The following KIF11 variants were observed in gnomAD, a reference collection of about 807,000 sequenced individuals.
KIF11 encodes the protein kinesin-like protein KIF11.
A neutral mutation model predicts 121.0 loss-of-function variants in KIF11; 9 were observed. The observed-to-expected ratio is 0.07, with a 90% CI of 0.04 to 0.13. The LOEUF is 0.13. KIF11 is among the 10% of genes least tolerant of loss of function. The pLI, the probability that KIF11 is intolerant of heterozygous loss-of-function variation, is 1.00. For synonymous variants in KIF11, 408 were observed against 421.0 expected, an observed-to-expected ratio of 0.97 and a Z score of 0.38; for missense variants, 846 against 1,217.5, an observed-to-expected ratio of 0.69 and a Z score of 4.54.
At chr10:92,603,622 G>C (rs1352256434) in intron 1 of KIF11, among the ~76,000 whole-genome samples, 2 of 152,082 alleles carry the variant, frequency 1.3e-5, no homozygotes, top group Non-Finnish European at 2.9e-5. Context: ...AAAGTGCTAG[G>C]ATTACAGGTG....
Position 92,609,625 on chromosome 10 carries a change from G to T in KIF11, c.698+116G>T, listed in dbSNP as rs925615302. On this transcript the variant is annotated intron_variant, in intron 6 of 21. Coordinates refer to ENST00000260731, the MANE Select transcript of KIF11 (RefSeq NM_004523.4). The stretch of plus-strand genomic sequence containing the variant: ...TGTGGGTCACGTACCTAGAGTTTGT[G>T]TTATAAGGAGGGGTCATTGGTAATT... 11 of 882,436 alleles carry T rather than the reference G, an allele frequency of 1.2e-5. 1 individual carries two copies. The East Asian group carries it at 2.5e-4, about 20-fold the overall frequency. 54.7% of individuals were successfully genotyped at this position (882,436 alleles called of 1,614,324 possible).
intron 6 of KIF11, among the ~76,000 whole-genome samples, chr10:92,609,766 C>T (rs1204239974): frequency 6.6e-6 from 1 of 151,950 alleles, no homozygotes; most frequent in Non-Finnish European, 1.5e-5. Flanking sequence ...GACGAATTTT[C>T]GCTCTTGTTA....
intron 11 of KIF11, 143 bp from the exon 12 acceptor site, chr10:92,630,033 A>C (rs1287361599): frequency 1.8e-6 from 1 of 549,112 alleles, no homozygotes; most frequent in Admixed American, 3.7e-5. Context: ...TACAGAAAGA[A>C]ACAGGATGAC....
At position 92,601,326 on chromosome 10, in the gene KIF11, G is replaced by A. The variant is rs185935286; in HGVS notation, c.78-4939G>A. On this transcript the variant is annotated intron_variant, in intron 1 of 21. Coordinates refer to ENST00000260731, the MANE Select transcript of KIF11 (RefSeq NM_004523.4). ...AACGATTCTCCTGCCTCAGCCTTCCGAGTAGCTTGTACTACAGGCATGTGC... is the reference window on the plus strand; with the variant it reads ...AACGATTCTCCTGCCTCAGCCTTCCAAGTAGCTTGTACTACAGGCATGTGC... 7.4e-3 allele frequency among the ~76,000 whole-genome samples: 1,118 copies of A among 151,600 alleles called. 3 individuals are homozygous for A. Among genetic ancestry groups the A allele is most frequent in the Non-Finnish European group, 0.011 (766 of 67,908 alleles).
intron 8 of KIF11, among the ~76,000 whole-genome samples, chr10:92,614,750 A>G (rs1478069255): frequency 1.3e-5 from 2 of 152,166 alleles, no homozygotes; most frequent in Admixed American, 6.5e-5. Flanking sequence ...TTTTATTGCT[A>G]TCATCTGCCT....
Position 92,632,483 on chromosome 10 carries a change from T to C in KIF11, c.1495-3T>C, listed in dbSNP as rs192601648. ...TGTCTAACACTTATTTTTAAAAATA[T>C]AGCTGCTTAACACAGTTGAAGAAAC... is the stretch of plus-strand genomic sequence containing the variant. On this transcript the variant is annotated splice_polypyrimidine_tract_variant and splice_region_variant and intron_variant, in intron 12 of 21. Coordinates refer to ENST00000260731, the MANE Select transcript of KIF11 (RefSeq NM_004523.4). 32 of 1,582,760 alleles carry C rather than the reference T, an allele frequency of 2.0e-5. No homozygotes were observed. Among genetic ancestry groups the C allele is most frequent in the Admixed American group, 1.0e-4 (6 of 58,600 alleles).
intron 12 of KIF11, 84 bp downstream of exon 12, chr10:92,630,448 G>C: frequency 1.5e-6 from 1 of 675,792 alleles, no homozygotes. Flanking sequence ...TAAATATTCT[G>C]TTTATTCACC....
intron 16 of KIF11, among the ~76,000 whole-genome samples, chr10:92,638,260 T>C (rs778009776): frequency 1.3e-5 from 2 of 152,196 alleles, no homozygotes; most frequent in African/African-American, 2.4e-5. Flanking sequence ...CCCATCAATA[T>C]AGATATAAAT....
chr10:92,593,247 G>C lies in KIF11; in HGVS notation c.-129G>C, dbSNP rs1474702049. 10 of 832,306 alleles carry C rather than the reference G, an allele frequency of 1.2e-5. No homozygotes were observed. The highest frequency in any genetic ancestry group is 1.7e-5 in the African/African-American group (1 of 57,322). The allele number at this position is 832,306 out of a possible 1,614,324, so 51.6% of individuals were successfully genotyped here. The stretch of plus-strand genomic sequence containing the variant: ...GCGGGGACGCCGACCTGCGTGCGTC[G>C]GTCCTCCAGGCCACGCCAGCGCCCG... On this transcript the variant is annotated 5_prime_UTR_variant, in exon 1 of 22. Transcript: ENST00000260731.
chr10:92,600,952 C>A (rs1345335951), intron 1 of KIF11, among the ~76,000 whole-genome samples: 1 of 151,794 alleles, frequency 6.6e-6, no homozygotes, highest in Non-Finnish European at 1.5e-5. Flanking sequence ...CCTCTGCCTC[C>A]TGGGTTCAAG....
At chr10:92,614,659 G>C (rs1223290442) in intron 8 of KIF11, among the ~76,000 whole-genome samples, 1 of 152,174 alleles carries the variant, frequency 6.6e-6, no homozygotes, top group African/African-American at 2.4e-5. Flanking sequence ...GCTGCTTAGA[G>C]AACACTGAAG....
intron 1 of KIF11, among the ~76,000 whole-genome samples, chr10:92,602,395 C>T (rs1342614527): frequency 6.6e-6 from 1 of 152,024 alleles, no homozygotes; most frequent in African/African-American, 2.4e-5. Flanking sequence ...AGATCTAGGG[C>T]TTTTCTTTGT....
At chr10:92,645,709 T>C in intron 18 of KIF11, 67 bp downstream of exon 18, 7 of 1,178,606 alleles carry the variant, frequency 5.9e-6, no homozygotes, top group Non-Finnish European at 8.4e-6. Flanking sequence ...TATTCTTGGC[T>C]AAGAATAGAT....
At chr10:92,648,668 T>G (rs1197648830) in intron 19 of KIF11, among the ~76,000 whole-genome samples, 1 of 152,224 alleles carries the variant, frequency 6.6e-6, no homozygotes, top group Admixed American at 6.5e-5. Flanking sequence ...GAGTTGACTT[T>G]GTTAATAGGG....
At chr10:92,608,828 G>C (rs1278812849) in intron 4 of KIF11, among the ~76,000 whole-genome samples, 192 bp from the exon 5 acceptor site, 1 of 152,164 alleles carries the variant, frequency 6.6e-6, no homozygotes, top group Non-Finnish European at 1.5e-5. Flanking sequence ...TTTATGGAGG[G>C]TGTGAAGACT....
chr10:92,634,370 A>G (rs1381606962), intron 14 of KIF11, among the ~76,000 whole-genome samples: 8 of 151,450 alleles, frequency 5.3e-5, no homozygotes, highest in Non-Finnish European at 8.8e-5. Context: ...CCTGGGTTCA[A>G]GCAGTTCTCT....
At chr10:92,646,046 A>G (rs763460525) in intron 18 of KIF11, among the ~76,000 whole-genome samples, 3 of 150,430 alleles carry the variant, frequency 2.0e-5, no homozygotes, top group South Asian at 2.1e-4. Flanking sequence ...CCGCCTCCCA[A>G]GTTCAAGCGA....
intron 10 of KIF11, among the ~76,000 whole-genome samples, chr10:92,622,130 C>T (rs1346900699): frequency 1.3e-5 from 2 of 151,714 alleles, no homozygotes; most frequent in African/African-American, 2.4e-5. Flanking sequence ...ACAAAATTAC[C>T]CTGTGTGGTG....
In KIF11 at chr10:92,653,667, T is replaced by G; in HGVS notation, c.3042T>G (p.His1014Gln). ...SSIGGVPFFQ[H>Q]KKSHGKDKEN... ...ATTTTCCCGCCTTAAATCCACAGCA[T>G]AAAAAATCACATGGAAAAGACAAAG... is the stretch of plus-strand genomic sequence containing the variant. The change falls in exon 22 of 22, where the codon CAT (histidine) becomes CAG (glutamine). Residue 1014 changes from histidine to glutamine, a missense_variant and splice_region_variant. Around this residue, in one of 5 missense-constraint regions of KIF11, gnomAD observed 492 missense variants for 603.4 expected, o/e 0.82. Coordinates refer to ENST00000260731, the MANE Select transcript of KIF11 (RefSeq NM_004523.4). 1 of 1,610,622 alleles carries G rather than the reference T, an allele frequency of 6.2e-7. No homozygotes were observed. The highest frequency in any genetic ancestry group is 1.1e-5 in the South Asian group (1 of 90,692).
Sources: allele counts gnomAD v4.1 joint callset (sites outside exome capture counted in the v4.1 genomes callset), GRCh38; gene constraint gnomAD v4.1.1; regional missense constraint gnomAD v4.1.1; transcripts MANE v1.5; gene names NCBI Gene and HGNC (gene_info 2026-07-23, HGNC 2026-07-21).